The following FGF12 variants were observed in gnomAD, a reference collection of about 807,000 sequenced individuals.
FGF12 encodes fibroblast growth factor 12B.
FGF12 carries 14 observed loss-of-function variants against 23.6 expected under a neutral mutation model. That is an observed-to-expected ratio of 0.59 (90% CI 0.39 to 0.93). The LOEUF is 0.93. Among genes scored for constraint, FGF12 ranks in the 40% least tolerant of loss-of-function variants. The pLI is 0.00. For synonymous variants in FGF12, 62 were observed against 77.3 expected (o/e 0.80, Z 1.04); for missense variants, 175 against 217.8 (o/e 0.80, Z 1.24).
intron 4 of FGF12, among the ~76,000 whole-genome samples, chr3:192,184,025 C>T (rs1294935364): frequency 4.6e-5 from 7 of 152,072 alleles, no homozygotes; most frequent in Non-Finnish European, 8.8e-5. Flanking sequence ...GAGTCTGAGA[C>T]CAGCCTGGGT....
chr3:192,545,589 T>C (rs1725476048), intron 2 of FGF12, among the ~76,000 whole-genome samples: 1 of 152,174 alleles, frequency 6.6e-6, no homozygotes, highest in African/African-American at 2.4e-5. Context: ...GAGTGACACA[T>C]GGTGAAGAGA....
intron 4 of FGF12, among the ~76,000 whole-genome samples, chr3:192,225,100 TA>T (rs1033510417): frequency 1.3e-5 from 2 of 151,964 alleles, no homozygotes; most frequent in Admixed American, 6.6e-5. Context: ...AATTTCACAT[TA>T]AAAAAAGTAT....
chr3:192,407,006 G>C (rs1576957347), intron 2 of FGF12, among the ~76,000 whole-genome samples: 1 of 152,168 alleles, frequency 6.6e-6, no homozygotes, highest in Non-Finnish European at 1.5e-5. Context: ...AAATGGCTCT[G>C]CAGCCACAAC....
intron 2 of FGF12, among the ~76,000 whole-genome samples, chr3:192,616,085 CCAA>C (rs1282194223): frequency 4.0e-5 from 6 of 151,598 alleles, no homozygotes; most frequent in Non-Finnish European, 8.8e-5. Context: ...ATGTAATATA[CCAA>C]CAACTAATAT....
intron 2 of FGF12, among the ~76,000 whole-genome samples, chr3:192,701,806 A>G (rs1718307094): frequency 6.6e-6 from 1 of 152,216 alleles, no homozygotes; most frequent in Non-Finnish European, 1.5e-5. Flanking sequence ...GTTTTCATAT[A>G]TAGTGAAATG....
chr3:192,342,652 TGTG>T lies in FGF12; in HGVS notation c.125-7191_125-7189del, dbSNP rs375112760. 8.5e-4 allele frequency among the ~76,000 whole-genome samples: 130 copies of T among 152,108 alleles called. 2 individuals carry two copies. Among genetic ancestry groups the T allele is most frequent in the African/African-American group, 3.0e-3 (125 of 41,504 alleles). ...ATTTAGTCAGGTATGTGTGTGTGCC[TGTG>T]GTCCCAGCTACTTGGGAGGCTGAGG... On this transcript the variant is annotated intron_variant, in intron 3 of 5. Transcript: ENST00000445105.
intron 4 of FGF12, among the ~76,000 whole-genome samples, chr3:192,171,031 CA>C (rs979028402): frequency 2.6e-5 from 4 of 152,150 alleles, no homozygotes; most frequent in African/African-American, 9.7e-5. Flanking sequence ...TCCTGGAAAT[CA>C]AAATCAAATA....
At chr3:192,589,325 C>A (rs1157396954) in intron 2 of FGF12, among the ~76,000 whole-genome samples, 6 of 141,168 alleles carry the variant, frequency 4.3e-5, no homozygotes, top group Non-Finnish European at 7.7e-5. Flanking sequence ...CAGAGTGAGA[C>A]TCCATCTCAA....
intron 2 of FGF12, among the ~76,000 whole-genome samples, chr3:192,706,200 T>C (rs1165774425): frequency 2.0e-5 from 3 of 152,194 alleles, no homozygotes; most frequent in Non-Finnish European, 4.4e-5. Context: ...ATTCAAAATA[T>C]GTATATTATT....
At chr3:192,434,146 C>G (rs889525537) in intron 2 of FGF12, among the ~76,000 whole-genome samples, 1 of 152,116 alleles carries the variant, frequency 6.6e-6, no homozygotes, top group African/African-American at 2.4e-5. Flanking sequence ...AAAATTCTCA[C>G]TTTTGCAAAT....
intron 2 of FGF12, among the ~76,000 whole-genome samples, chr3:192,392,591 CGAGAGAGAGAGAGAGAGAGAGA>C (rs67784749): frequency 2.4e-5 from 1 of 41,846 alleles, no homozygotes; most frequent in Non-Finnish European, 4.0e-5. Flanking sequence ...AGTGAAACTC[CGAGAGAGAGAGAGAGAGAGAGA>C]GAGAGAGAGA....
chr3:192,148,965 C>A (rs1418057446), intron 5 of FGF12, among the ~76,000 whole-genome samples: 1 of 152,078 alleles, frequency 6.6e-6, no homozygotes, highest in African/African-American at 2.4e-5. Flanking sequence ...CACTACAGGA[C>A]TGGGTAAAAT....
chr3:192,302,196 T>C (rs1351006328), intron 4 of FGF12, among the ~76,000 whole-genome samples: 4 of 152,184 alleles, frequency 2.6e-5, no homozygotes, highest in African/African-American at 9.6e-5. Flanking sequence ...AGGCAGGTCA[T>C]GTCTCCTCTG....
Position 192,514,781 on chromosome 3 carries a change from G to T in FGF12, c.14-154243C>A. The T allele has an allele frequency of 1.0e-6, 1 of 985,388 alleles. No individual in the cohort carries two copies. Among genetic ancestry groups the T allele is most frequent in the Non-Finnish European group, 1.2e-6 (1 of 829,908 alleles). The allele number at this position is 985,388 out of a possible 1,614,324, so 61.0% of individuals were successfully genotyped here. ...ATGGAGAAGCGCGTGTGTGGGGTTG[G>T]TCAACTCCCCGCCCACCTGCGCTAG... On this transcript the variant is annotated intron_variant, in intron 2 of 5. Transcript: ENST00000445105. This position sits in a 1 kb window ranked among gnomAD's most constrained non-coding sequence, Gnocchi z 4.9.
intron 2 of FGF12, among the ~76,000 whole-genome samples, chr3:192,670,195 A>G (rs1717058854): frequency 6.6e-6 from 1 of 152,214 alleles, no homozygotes; most frequent in South Asian, 2.1e-4. Context: ...GGCAGACATT[A>G]AAAGAGACTT....
chr3:192,225,350 T>A (rs1459723813), intron 4 of FGF12, among the ~76,000 whole-genome samples: 1 of 152,044 alleles, frequency 6.6e-6, no homozygotes, highest in African/African-American at 2.4e-5. Flanking sequence ...ACTTTTATAA[T>A]CATCTCGTCT....
chr3:192,545,831 G>A (rs1725481236), intron 2 of FGF12, among the ~76,000 whole-genome samples: 1 of 152,154 alleles, frequency 6.6e-6, no homozygotes, highest in South Asian at 2.1e-4. Flanking sequence ...TACTTTCAGA[G>A]GACATTTGAG....
At chr3:192,262,714 G>A in intron 4 of FGF12, among the ~76,000 whole-genome samples, 1 of 152,008 alleles carries the variant, frequency 6.6e-6, no homozygotes, top group African/African-American at 2.4e-5. Flanking sequence ...CATGATGTTT[G>A]TTCAGTGACA....
intron 2 of FGF12, among the ~76,000 whole-genome samples, chr3:192,582,822 T>C (rs1406012316): frequency 6.6e-6 from 1 of 152,162 alleles, no homozygotes; most frequent in Non-Finnish European, 1.5e-5. Context: ...CATTTGACCC[T>C]ACCACACCTG....
Sources: gnomAD v4.1 joint callset for allele counts (sites outside exome capture counted in the v4.1 genomes callset) on GRCh38, gnomAD v4.1.1 for gene constraint, Gnocchi (gnomAD v3.1) non-coding constraint, MANE v1.5 for transcripts, NCBI Gene and HGNC (gene_info 2026-07-23, HGNC 2026-07-21) for gene names.